LRWD1: variants seen among roughly 807,000 people sequenced by gnomAD.
The protein encoded by LRWD1 is leucine rich repeats and WD repeat domain containing 1.
Under a neutral mutation model 75.6 loss-of-function variants are expected in LRWD1, and 76 were observed. That is an observed-to-expected ratio of 1.01 (90% CI 0.84 to 1.22). LRWD1 has a LOEUF of 1.22. LRWD1 is among the 50% of genes most tolerant of loss of function. The pLI, the probability that LRWD1 is intolerant of heterozygous loss-of-function variation, is 0.00. For missense variants in LRWD1, 917 were observed against 862.0 expected (o/e 1.06, Z -0.80); for synonymous variants, 487 against 377.0 (o/e 1.29, Z -3.38).
At chr7:102,468,403 A>T in intron 7 of LRWD1, 26 bp downstream of exon 7, 2 of 1,575,772 alleles carry the variant, frequency 1.3e-6, no homozygotes, top group Non-Finnish European at 1.7e-6. Flanking sequence ...CAGGCGGGGC[A>T]AGGGCCGCTG....
chr7:102,468,921 A>T lies in LRWD1; in HGVS notation c.1087A>T (p.Ser363Cys), dbSNP rs776877482. 48 of 1,612,704 alleles carry T rather than the reference A, an allele frequency of 3.0e-5. 1 individual carries two copies. The South Asian group carries it at 5.2e-4, about 17-fold the overall frequency. Residue 363 changes from serine (S) to cysteine (C), a missense_variant, in exon 9 of 15, where the codon AGT becomes TGT. Coordinates refer to ENST00000292616, the MANE Select transcript of LRWD1 (RefSeq NM_152892.3). ...VTQAGHKKRW[S>C]VLAAAGLRGL... ...ACAGGCTGGCCACAAGAAGCGCTGG[A>T]GTGTGCTGGCGGCTGCAGGCCTACG...
Position 102,469,803 on chromosome 7 carries a change from C to T in LRWD1, c.1363C>T (p.Pro455Ser). ...GCGCCTCTGCCCTGTCGCCTCCTGC[C>T]CGGACGCCCGCCTGCTGGCCGGCTG... ...PLRLCPVASC[P>S]DARLLAGCEG... Residue 455 changes from proline (P) to serine (S), a missense_variant, in exon 11 of 15, where the codon CCG becomes TCG. Transcript: ENST00000292616. 6.2e-7 allele frequency: 1 copy of T among 1,608,434 alleles called. No individual in the cohort carries two copies. The highest frequency in any genetic ancestry group is 8.5e-7 in the Non-Finnish European group (1 of 1,177,466).
At chr7:102,472,129 C>G (rs1798211438) in intron 11 of LRWD1, 89 bp from the exon 12 acceptor site, 1 of 1,177,198 alleles carries the variant, frequency 8.5e-7, no homozygotes, top group Non-Finnish European at 1.2e-6. Flanking sequence ...AGGGCAGGGT[C>G]CCCAGCAGGT....
rs969202245 is a variant in LRWD1 at position 102,464,992 on chromosome 7, C to T, written c.-89C>T. On this transcript the variant is annotated 5_prime_UTR_variant, in exon 1 of 15. Coordinates refer to ENST00000292616, the MANE Select transcript of LRWD1 (RefSeq NM_152892.3). ...CGCCGCCTCCTGGGCTCAGTTACCG[C>T]GGACGCCAGTGCCGGGCTCCAGGAG... 35 of 1,350,420 alleles carry T rather than the reference C, an allele frequency of 2.6e-5. No homozygotes were observed. The highest frequency in any genetic ancestry group is 3.4e-5 in the Non-Finnish European group (35 of 1,043,410). The allele number at this position is 1,350,420 out of a possible 1,614,324, so 83.7% of individuals were successfully genotyped here. A position where few individuals can be genotyped will look rare whatever the true frequency, so the allele number is the denominator to read the frequency against.
chr7:102,472,928 C>T lies in LRWD1; in HGVS notation c.1823C>T (p.Pro608Leu). Residue 608 changes from proline to leucine, a missense_variant, in exon 15 of 15, where the codon CCC (proline) becomes CTC (leucine). Physicochemically the swap from Pro to Leu is moderately conservative, Grantham distance 98. Transcript: ENST00000292616. ...APTQILKWPQ[P>L]WALGQVVTKT... ...CACCAGATCCTGAAGTGGCCCCAGCCCTGGGCCCTTGGCCAGGTGGTGACC... is the reference window on the plus strand; with the variant it reads ...CACCAGATCCTGAAGTGGCCCCAGCTCTGGGCCCTTGGCCAGGTGGTGACC... 6.2e-7 allele frequency: 1 copy of T among 1,614,044 alleles called. No individual in the cohort carries two copies. Among genetic ancestry groups the T allele is most frequent in the Non-Finnish European group, 8.5e-7 (1 of 1,179,990 alleles).
Position 102,472,949 on chromosome 7 carries a change from T to G in LRWD1, c.1844T>G (p.Val615Gly). The G allele has an allele frequency of 6.2e-7, 1 of 1,613,834 alleles. No homozygotes were observed. Among genetic ancestry groups the G allele is most frequent in the South Asian group, 1.1e-5 (1 of 91,076 alleles). Reference sequence around the variant, plus strand: ...CAGCCCTGGGCCCTTGGCCAGGTGGTGACCAAGACCATGGTGAACACAGTG... The same window carrying G: ...CAGCCCTGGGCCCTTGGCCAGGTGGGGACCAAGACCATGGTGAACACAGTG... ...WPQPWALGQV[V>G]TKTMVNTVVA... Residue 615 changes from valine to glycine, a missense_variant, in exon 15 of 15, where the codon GTG (valine) becomes GGG (glycine). Transcript: ENST00000292616.
intron 11 of LRWD1, chr7:102,470,785 GAT>G (rs1462129146): frequency 1.3e-5 from 2 of 152,246 alleles, no homozygotes; most frequent in African/African-American, 4.8e-5. Flanking sequence ...TTTTATTTGA[GAT>G]AGAGTCTCCC....
Position 102,469,038 on chromosome 7 carries a change from C to G in LRWD1, c.1204C>G (p.Pro402Ala). ...GGCCATCGCCACCCTGTGCTTCAGC[C>G]CCGCCCACGAGACCCATCTCTTCAG... ...KKAIATLCFS[P>A]AHETHLFTAS... The change falls in exon 9 of 15, where the codon CCC becomes GCC. Residue 402 changes from proline (P) to alanine (A), a missense_variant. Pro to Ala is a conservative substitution (Grantham distance 27, BLOSUM62 -1). Coordinates refer to ENST00000292616, the MANE Select transcript of LRWD1 (RefSeq NM_152892.3). 1 of 1,609,834 alleles carries G rather than the reference C, an allele frequency of 6.2e-7. No homozygotes were observed. Among genetic ancestry groups the G allele is most frequent in the Non-Finnish European group, 8.5e-7 (1 of 1,178,408 alleles).
rs1371776557 is a variant in LRWD1, at chr7:102,472,999, C to T, written c.1894C>T (p.Leu632Phe). The T allele has an allele frequency of 3.1e-6, 5 of 1,614,150 alleles. No individual in the cohort carries two copies. The highest frequency in any genetic ancestry group is 3.3e-4 in the Middle Eastern group (2 of 6,062). ...TVVANASFTY[L>F]TALTDSNIVA... ...GGTGGCCAATGCCTCCTTCACCTAC[C>T]TCACCGCCCTGACGGACTCCAACAT... Residue 632 changes from leucine to phenylalanine, a missense_variant, in exon 15 of 15, where the codon CTC becomes TTC. By Grantham distance (22) the Leu-to-Phe change is conservative (BLOSUM62 0). Coordinates refer to ENST00000292616, the MANE Select transcript of LRWD1 (RefSeq NM_152892.3).
Position 102,467,923 on chromosome 7 carries a change from C to G in LRWD1, c.678+100C>G, listed in dbSNP as rs952444686. ...CCTGGGCATGTGCCCAGGAAGCACCCCAGGTCCTGGCTCACTCCCTAGGTG... is the reference window on the plus strand; with the variant it reads ...CCTGGGCATGTGCCCAGGAAGCACCGCAGGTCCTGGCTCACTCCCTAGGTG... On this transcript the variant is annotated intron_variant, in intron 5 of 14. Transcript: ENST00000292616. 2.7e-6 allele frequency: 4 copies of G among 1,499,384 alleles called. No homozygotes were observed. The Admixed American group carries it at 9.0e-5, about 34-fold the overall frequency. The allele number at this position is 1,499,384 out of a possible 1,614,324, so 92.9% of individuals were successfully genotyped here.
rs1395607947 is a variant in LRWD1, at chr7:102,465,951, G to A, written c.215G>A (p.Arg72His). 1.9e-6 allele frequency: 3 copies of A among 1,613,858 alleles called. No homozygotes were observed. The highest frequency in any genetic ancestry group is 1.6e-4 in the Middle Eastern group (1 of 6,062). The change falls in exon 2 of 15, where the codon CGT becomes CAT. Residue 72 changes from arginine to histidine, a missense_variant. Transcript: ENST00000292616. ...LPDNLGLSHL[R>H]VLRCANNQLG... ...GACAACCTGGGCCTGTCCCACCTGC[G>A]TGTCCTCCGCTGCGCCAACAACCAG...
At chr7:102,467,168 TGGG>T (rs1157897255) in intron 3 of LRWD1, among the ~76,000 whole-genome samples, 168 bp from the exon 4 acceptor site, 17 of 18,502 alleles carry the variant, frequency 9.2e-4, no homozygotes, top group South Asian at 2.8e-3. Flanking sequence ...GGGGTGTGTG[TGGG>T]GTGTGTGTGT....
At chr7:102,466,760 CTTTTTTTT>C (rs71106685) in intron 3 of LRWD1, among the ~76,000 whole-genome samples, 19 of 53,076 alleles carry the variant, frequency 3.6e-4, no homozygotes, top group African/African-American at 9.7e-4. Context: ...TCTTTTTTAC[CTTTTTTTT>C]TTTTTTTTTT....
intron 4 of LRWD1, 64 bp from the exon 5 acceptor site, chr7:102,467,655 G>T (rs1798052952): frequency 6.6e-7 from 1 of 1,521,804 alleles, no homozygotes. Flanking sequence ...CCCTGACTAT[G>T]CATCGGCAGG....
Position 102,469,825 on chromosome 7 carries a change from G to A in LRWD1, c.1385G>A (p.Gly462Asp), listed in dbSNP as rs1464957283. Reference sequence around the variant, plus strand: ...TGCCCGGACGCCCGCCTGCTGGCCGGCTGCGAGGGCGGCTGCTGCTGCTGG... The same window carrying A: ...TGCCCGGACGCCCGCCTGCTGGCCGACTGCGAGGGCGGCTGCTGCTGCTGG... ...ASCPDARLLA[G>D]CEGGCCCWDV... The change falls in exon 11 of 15, where the codon GGC becomes GAC. Residue 462 changes from glycine (G) to aspartate (D), a missense_variant. Physicochemically the swap from Gly to Asp is moderately conservative, Grantham distance 94 (BLOSUM62 -1). Transcript: ENST00000292616. The A allele has an allele frequency of 1.2e-6, 2 of 1,605,706 alleles. No individual in the cohort carries two copies. Among genetic ancestry groups the A allele is most frequent in the Non-Finnish European group, 1.7e-6 (2 of 1,176,662 alleles).
At position 102,469,885 on chromosome 7, in the gene LRWD1, G is replaced by A. The variant is rs1303880344; in HGVS notation, c.1442+3G>A. The A allele has an allele frequency of 5.2e-6, 8 of 1,541,792 alleles. No homozygotes were observed. Among genetic ancestry groups the A allele is most frequent in the Non-Finnish European group, 7.0e-6 (8 of 1,146,000 alleles). ...CTGGACCAGCCCCAAAAGAGGAGGTGAGGCTGGGCAGGGGGCGCCTTGGAA... is the reference window on the plus strand; with the variant it reads ...CTGGACCAGCCCCAAAAGAGGAGGTAAGGCTGGGCAGGGGGCGCCTTGGAA... On this transcript the variant is annotated splice_donor_region_variant and intron_variant, in intron 11 of 14. Transcript: ENST00000292616.
At chr7:102,467,250 G>C (rs11761361) in intron 3 of LRWD1, 89 bp from the exon 4 acceptor site, 864,290 of 1,416,506 alleles carry the variant, frequency 0.61, 270,831 homozygotes, top group Middle Eastern at 0.66. Context: ...GCTTCCAGCA[G>C]GTGGCGGGAT....
intron 1 of LRWD1, 70 bp from the exon 2 acceptor site, chr7:102,465,747 G>A (rs777663543): frequency 4.7e-5 from 53 of 1,138,402 alleles, no homozygotes; most frequent in Non-Finnish European, 6.7e-5. Flanking sequence ...AGCCTTCTGA[G>A]GTACCCGGGG....
Position 102,469,837 on chromosome 7 carries a change from G to A in LRWD1, c.1397G>A (p.Gly466Asp). 6.3e-7 allele frequency: 1 copy of A among 1,599,478 alleles called. No individual in the cohort carries two copies. Among genetic ancestry groups the A allele is most frequent in the Non-Finnish European group, 8.5e-7 (1 of 1,173,956 alleles). ...DARLLAGCEG[G>D]CCCWDVRLDQ... ...CGCCTGCTGGCCGGCTGCGAGGGCG[G>A]CTGCTGCTGCTGGGACGTGCGGCTG... The change falls in exon 11 of 15, where the codon GGC (glycine) becomes GAC (aspartate). Residue 466 changes from glycine to aspartate, a missense_variant. By Grantham distance (94) the Gly-to-Asp change is moderately conservative. Transcript: ENST00000292616.
Sources: allele counts gnomAD v4.1 joint callset (sites outside exome capture counted in the v4.1 genomes callset), GRCh38; gene constraint gnomAD v4.1.1; transcripts MANE v1.5; gene names NCBI Gene and HGNC (gene_info 2026-07-23, HGNC 2026-07-21).